The following DPP10 variants were observed in gnomAD, a reference collection of about 807,000 sequenced individuals.
DPP10 encodes dipeptidyl peptidase like 10.
A neutral mutation model predicts 120.9 loss-of-function variants in DPP10; 33 were observed. The observed-to-expected ratio is 0.27, with a 90% CI of 0.21 to 0.37. The LOEUF is 0.37. DPP10 is among the 10% of genes least tolerant of loss of function. The pLI is 1.00. For missense variants in DPP10, 816 were observed against 942.8 expected (o/e 0.87, Z 1.76); for synonymous variants, 337 against 326.1 (o/e 1.03, Z -0.36).
intron 1 of DPP10, among the ~76,000 whole-genome samples, chr2:114,522,123 G>A (rs1418321925): frequency 2.7e-5 from 4 of 148,458 alleles, no homozygotes; most frequent in African/African-American, 9.9e-5. Context: ...GGGACTACAG[G>A]CGCCCGCCAC....
chr2:114,912,477 A>G (rs985132807), intron 1 of DPP10, among the ~76,000 whole-genome samples: 4 of 152,196 alleles, frequency 2.6e-5, no homozygotes, highest in Non-Finnish European at 5.9e-5. Flanking sequence ...TATAGATGTT[A>G]AAAACTTAGC....
intron 1 of DPP10, among the ~76,000 whole-genome samples, chr2:114,986,771 T>C (rs935727776): frequency 2.6e-5 from 4 of 152,138 alleles, no homozygotes; most frequent in African/African-American, 7.2e-5. Flanking sequence ...GACAGGTTTT[T>C]TTGTTTGTTC....
At chr2:114,690,933 G>T (rs906321335) in intron 1 of DPP10, among the ~76,000 whole-genome samples, 2 of 152,052 alleles carry the variant, frequency 1.3e-5, no homozygotes, top group Non-Finnish European at 2.9e-5. Flanking sequence ...CTGAGACTTT[G>T]CTGAAGTTGC....
intron 3 of DPP10, among the ~76,000 whole-genome samples, chr2:115,428,051 A>T (rs186814937): frequency 6.6e-6 from 1 of 152,302 alleles, no homozygotes; most frequent in African/African-American, 2.4e-5. Context: ...TCCAGCCAAG[A>T]TGTTTGCTGA....
At chr2:114,737,327 C>T (rs974883172) in intron 1 of DPP10, among the ~76,000 whole-genome samples, 5 of 152,228 alleles carry the variant, frequency 3.3e-5, no homozygotes, top group East Asian at 1.9e-4. Flanking sequence ...TTGAAGAATG[C>T]GTGCAGGTGC....
At chr2:115,557,207 T>G (rs879458381) in intron 5 of DPP10, among the ~76,000 whole-genome samples, 1 of 152,170 alleles carries the variant, frequency 6.6e-6, no homozygotes, top group Admixed American at 6.5e-5. Flanking sequence ...TGTAATAAAA[T>G]GCGGTCAGAA....
chr2:115,836,645 G>C lies in DPP10; in HGVS notation c.2110-29G>C, dbSNP rs736335. The C allele has an allele frequency of 0.25, 394,589 of 1,610,144 alleles. 53,948 individuals carry two copies. The highest frequency in any genetic ancestry group is 0.57 in the East Asian group (25,310 of 44,788). ...GTTAAATGGCTTATTTAGATCTATA[G>C]ATACAGATATTTGTATTTTCCTTTA... On this transcript the variant is annotated intron_variant, in intron 23 of 25. Coordinates refer to ENST00000410059, the MANE Select transcript of DPP10 (RefSeq NM_020868.6).
intron 1 of DPP10, among the ~76,000 whole-genome samples, chr2:114,832,330 G>A (rs986815450): frequency 1.3e-5 from 2 of 152,234 alleles, no homozygotes; most frequent in African/African-American, 4.8e-5. Flanking sequence ...TCAGGAGATC[G>A]AGACCATCCT....
At chr2:115,618,273 C>A (rs2084678708) in intron 5 of DPP10, among the ~76,000 whole-genome samples, 1 of 152,098 alleles carries the variant, frequency 6.6e-6, no homozygotes, top group Non-Finnish European at 1.5e-5. Context: ...AGTGAAAAGG[C>A]ATAGCATTTT....
At chr2:115,350,432 A>G (rs1350150580) in intron 3 of DPP10, among the ~76,000 whole-genome samples, 2 of 151,992 alleles carry the variant, frequency 1.3e-5, no homozygotes, top group Admixed American at 1.3e-4. Flanking sequence ...GCTGTTTCCT[A>G]CTATGGCAAT....
chr2:115,141,280 T>C (rs544422912), intron 1 of DPP10, among the ~76,000 whole-genome samples: 5 of 152,180 alleles, frequency 3.3e-5, no homozygotes, highest in Non-Finnish European at 7.4e-5. Context: ...ATTCTCAAAC[T>C]AACACTCATA....
At chr2:114,731,093 C>A (rs1038321220) in intron 1 of DPP10, among the ~76,000 whole-genome samples, 7 of 151,946 alleles carry the variant, frequency 4.6e-5, no homozygotes, top group Admixed American at 3.9e-4. Flanking sequence ...TCATTCATCT[C>A]CACTGTGGAT....
chr2:115,432,338 T>A (rs1258175574), intron 3 of DPP10, among the ~76,000 whole-genome samples: 1 of 152,084 alleles, frequency 6.6e-6, no homozygotes, highest in Non-Finnish European at 1.5e-5. Flanking sequence ...AGGAAATACT[T>A]CTTAAAAGTA....
intron 2 of DPP10, among the ~76,000 whole-genome samples, chr2:115,314,564 GATCTC>G (rs2061706688): frequency 6.6e-6 from 1 of 152,156 alleles, no homozygotes; most frequent in Admixed American, 6.6e-5. Flanking sequence ...AGCTCTGCTT[GATCTC>G]AGTTAAACAA....
chr2:115,444,494 G>A (rs903413123), intron 3 of DPP10, among the ~76,000 whole-genome samples: 1 of 152,136 alleles, frequency 6.6e-6, no homozygotes, highest in Non-Finnish European at 1.5e-5. Flanking sequence ...ATTCTCTTGG[G>A]AATTTGTTTC....
chr2:115,824,993 A>G (rs1365086907), intron 21 of DPP10, among the ~76,000 whole-genome samples: 2 of 152,234 alleles, frequency 1.3e-5, no homozygotes, highest in African/African-American at 2.4e-5. Context: ...CAGTCAGTAC[A>G]AAAGCATAGA....
intron 2 of DPP10, among the ~76,000 whole-genome samples, chr2:115,335,819 C>T (rs139618726): frequency 6.1e-4 from 93 of 151,854 alleles, no homozygotes; most frequent in East Asian, 4.7e-3. Context: ...ATGAAGAATA[C>T]GATTAAGAGT....
At chr2:115,468,795 C>A in intron 3 of DPP10, 1 of 459,712 alleles carries the variant, frequency 2.2e-6, no homozygotes, top group South Asian at 1.6e-5. Context: ...GCAGACTGGT[C>A]TCAAGGTGTG....
intron 1 of DPP10, among the ~76,000 whole-genome samples, chr2:114,607,424 G>A (rs1313323306): frequency 6.6e-6 from 1 of 152,194 alleles, no homozygotes. Context: ...ATTTAAGTAT[G>A]AAGTATGACT....
Sources: allele counts gnomAD v4.1 joint callset (sites outside exome capture counted in the v4.1 genomes callset), GRCh38; gene constraint gnomAD v4.1.1; transcripts MANE v1.5; gene names NCBI Gene and HGNC (gene_info 2026-07-23, HGNC 2026-07-21).